The following NDUFAF6 variants were observed in gnomAD, a reference collection of about 807,000 sequenced individuals.
The protein encoded by NDUFAF6 is NADH:ubiquinone oxidoreductase complex assembly factor 6, also known as NADH dehydrogenase (ubiquinone) complex I, assembly factor 6.
In NDUFAF6, 45 loss-of-function variants were observed where a neutral mutation model predicts 40.8. The observed-to-expected ratio is 1.10, with a 90% CI of 0.87 to 1.42. NDUFAF6 has a LOEUF of 1.42. Ranked by LOEUF, NDUFAF6 falls within the 40% of genes most tolerant of loss-of-function variation. The pLI is 0.00. For synonymous variants in NDUFAF6, 185 were observed against 155.9 expected (o/e 1.19, Z -1.39); for missense variants, 435 against 418.5 (o/e 1.04, Z -0.34).
chr8:95,050,302 C>T (rs1201034872), intron 7 of NDUFAF6, among the ~76,000 whole-genome samples: 3 of 152,148 alleles, frequency 2.0e-5, no homozygotes, highest in Non-Finnish European at 2.9e-5. Context: ...ATTTGAACAC[C>T]ACTGGTGGTG....
At chr8:94,946,152 T>C (rs916536576) in intron 2 of NDUFAF6, among the ~76,000 whole-genome samples, 4 of 152,042 alleles carry the variant, frequency 2.6e-5, no homozygotes, top group African/African-American at 9.7e-5. Flanking sequence ...ATCATAGTTA[T>C]AGTCTTGTGA....
chr8:94,995,594 G>GAA (rs111803578), intron 2 of NDUFAF6, among the ~76,000 whole-genome samples: 1,505 of 141,944 alleles, frequency 0.011, 27 homozygotes, highest in African/African-American at 0.037. Flanking sequence ...AATAAAACTT[G>GAA]AAAAAAAAAA....
At chr8:95,077,525 C>T (rs150734754), downstream of NDUFAF6, among the ~76,000 whole-genome samples, 228 of 152,294 alleles carry the variant, frequency 1.5e-3, 1 homozygote, top group African/African-American at 5.2e-3. Context: ...TAGGACAGAG[C>T]GAATGGCAGA....
At chr8:94,990,893 C>T (rs1044950835) in intron 2 of NDUFAF6, among the ~76,000 whole-genome samples, 13 of 152,328 alleles carry the variant, frequency 8.5e-5, no homozygotes, top group African/African-American at 3.1e-4. Context: ...CCCATTTATG[C>T]TCAGACAATA....
At chr8:94,965,033 G>A (rs1216466997) in intron 1 of NDUFAF6, among the ~76,000 whole-genome samples, 1 of 152,094 alleles carries the variant, frequency 6.6e-6, no homozygotes. Context: ...CTCACCTTAA[G>A]CTCTGTTCAC....
intron 9 of NDUFAF6, among the ~76,000 whole-genome samples, chr8:95,069,629 A>G (rs1316733556): frequency 6.6e-6 from 1 of 150,654 alleles, no homozygotes; most frequent in Non-Finnish European, 1.5e-5. Context: ...AAAATACAAA[A>G]ATTAGTTGGG....
At position 95,057,815 on chromosome 8, in the gene NDUFAF6, C is replaced by G. The variant is rs1368664541; in HGVS notation, c.880C>G (p.Leu294Val). 1 of 1,608,866 alleles carries G rather than the reference C, an allele frequency of 6.2e-7. No homozygotes were observed. The highest frequency in any genetic ancestry group is 1.4e-5 in the African/African-American group (1 of 74,024). The change falls in exon 9 of 9, where the codon CTA becomes GTA. Residue 294 changes from leucine to valine, a missense_variant. Physicochemically the swap from Leu to Val is conservative, Grantham distance 32. Transcript: ENST00000396124. ...AFPAFLQTVS[L>V]EDFLKKIQRV... is the part of the protein sequence containing the mutation. ...ACTATTCTCTTTTTTCCAGGTTTCTCTAGAGGACTTTCTAAAGAAAATTCA... is the reference window on the plus strand; with the variant it reads ...ACTATTCTCTTTTTTCCAGGTTTCTGTAGAGGACTTTCTAAAGAAAATTCA...
At chr8:95,005,282 C>A (rs2515230) in intron 2 of NDUFAF6, among the ~76,000 whole-genome samples, 1 of 151,860 alleles carries the variant, frequency 6.6e-6, no homozygotes, top group Non-Finnish European at 1.5e-5. Context: ...ACAAAGAGAC[C>A]GAAAGGCATC....
intron 7 of NDUFAF6, among the ~76,000 whole-genome samples, chr8:95,049,212 T>G (rs905292871): frequency 2.6e-5 from 4 of 151,772 alleles, no homozygotes; most frequent in Admixed American, 2.0e-4. Flanking sequence ...TCCTGAACTC[T>G]TCTTCTTTTT....
At chr8:95,034,577 G>A (rs2131798880) in intron 2 of NDUFAF6, 1 of 152,684 alleles carries the variant, frequency 6.5e-6, no homozygotes, top group Non-Finnish European at 1.5e-5. Flanking sequence ...TTCCTTTTAA[G>A]AATTAAAATG....
At chr8:94,943,473 C>T (rs10112447) in intron 1 of NDUFAF6, among the ~76,000 whole-genome samples, 93,537 of 151,998 alleles carry the variant, frequency 0.62, 30,001 homozygotes, top group East Asian at 0.79. Flanking sequence ...AGTGACACAG[C>T]GAGACCTTGT....
At chr8:95,073,310 C>G (rs537527811) in intron 9 of NDUFAF6, 14 of 152,368 alleles carry the variant, frequency 9.2e-5, no homozygotes, top group African/African-American at 3.4e-4. Context: ...GTTTTTTCCT[C>G]TGGGGATGCC....
At chr8:95,064,015 G>C (rs188483985) in intron 9 of NDUFAF6, among the ~76,000 whole-genome samples, 1,825 of 147,192 alleles carry the variant, frequency 0.012, 46 homozygotes, top group African/African-American at 0.044. Flanking sequence ...GGGACTACAC[G>C]TGCCCGCCAC....
At chr8:94,920,377 C>G (rs1224535889) in intron 1 of NDUFAF6, among the ~76,000 whole-genome samples, 1 of 152,216 alleles carries the variant, frequency 6.6e-6, no homozygotes, top group Admixed American at 6.5e-5. Context: ...GGCAAAGTCT[C>G]ACTCTACCTT....
chr8:95,036,280 C>G (rs1829491804), intron 3 of NDUFAF6: 2 of 1,269,412 alleles, frequency 1.6e-6, no homozygotes, highest in Non-Finnish European at 2.0e-6. Context: ...CATCACTGAT[C>G]TGTGTCCCTG....
intron 6 of NDUFAF6, 98 bp from the exon 7 acceptor site, chr8:95,048,359 A>T: frequency 1.2e-6 from 1 of 834,108 alleles, no homozygotes; most frequent in Non-Finnish European, 2.1e-6. Context: ...CTCTTGTGCT[A>T]AGTTAGTTTT....
At chr8:95,015,272 A>G (rs1046591151) in intron 2 of NDUFAF6, among the ~76,000 whole-genome samples, 1 of 152,212 alleles carries the variant, frequency 6.6e-6, no homozygotes, top group Non-Finnish European at 1.5e-5. Context: ...TAAGGAGGAA[A>G]GGAAGCTGGG....
At position 95,069,419 on chromosome 8, in the gene NDUFAF6, G is replaced by A. The variant is rs147577306; in HGVS notation, c.*512-6214G>A. Among the ~76,000 whole-genome samples, 1,182 of 151,904 alleles carry A rather than the reference G, an allele frequency of 7.8e-3. 33 individuals are homozygous for A. Among genetic ancestry groups the A allele is most frequent in the African/African-American group, 0.019 (780 of 41,238 alleles). On this transcript the variant is annotated intron_variant and NMD_transcript_variant, in intron 9 of 9. Coordinates refer to the NDUFAF6 transcript ENST00000520757. Reference sequence around the variant, plus strand: ...TACTGCTACCACCTTATATGCACTCGTATGATGGTTTGCTTTAAAGCTCTG... The same window carrying A: ...TACTGCTACCACCTTATATGCACTCATATGATGGTTTGCTTTAAAGCTCTG...
intron 1 of NDUFAF6, among the ~76,000 whole-genome samples, chr8:94,899,982 A>C (rs1426411733): frequency 6.6e-6 from 1 of 152,120 alleles, no homozygotes; most frequent in African/African-American, 2.4e-5. Context: ...TGGCACCTGC[A>C]CCTCATTCTC....
Sources: allele counts gnomAD v4.1 joint callset (sites outside exome capture counted in the v4.1 genomes callset), GRCh38; gene constraint gnomAD v4.1.1; transcripts MANE v1.5; gene names NCBI Gene and HGNC (gene_info 2026-07-23, HGNC 2026-07-21).